Variants in ATP1B4 observed in about 807,000 individuals in gnomAD.
ATP1B4 encodes protein ATP1B4.
Under a neutral mutation model 29.6 loss-of-function variants are expected in ATP1B4, and 32 were observed. That is an observed-to-expected ratio of 1.08 (90% CI 0.82 to 1.45). The LOEUF is 1.45. ATP1B4 is among the 40% of genes most tolerant of loss of function. The probability of loss-of-function intolerance (pLI) is 0.00; values close to 1 mark genes in which losing one functional copy is unlikely to be tolerated. For synonymous variants in ATP1B4, 127 were observed against 102.1 expected (o/e 1.24, Z -1.47); for missense variants, 323 against 276.2 (o/e 1.17, Z -1.20).
At chrX:120,378,117 C>T (rs2058365286) in intron 6 of ATP1B4, among the ~76,000 whole-genome samples, 1 of 111,617 alleles carries the variant, frequency 9.0e-6, no homozygotes, top group African/African-American at 3.3e-5. Flanking sequence ...AGAATATGGT[C>T]AGAGACATGA....
chrX:120,372,059 G>A (rs1033459745), intron 4 of ATP1B4, among the ~76,000 whole-genome samples: 2 of 112,348 alleles, frequency 1.8e-5, no homozygotes, highest in African/African-American at 3.2e-5. Flanking sequence ...AAGTATTTTC[G>A]AGGTGCCTAT....
At position 120,379,755 on chromosome X, in the gene ATP1B4, T is replaced by A; in HGVS notation, c.*121T>A. On this transcript the variant is annotated 3_prime_UTR_variant, in exon 8 of 8. Coordinates refer to ENST00000218008, the MANE Select transcript of ATP1B4 (RefSeq NM_001142447.3). ...CCAGATGGACATCTAAGACAGCCGA[T>A]CATCTTTCCTTGCCTATGACATGTG... 2 of 730,041 alleles carry A rather than the reference T, an allele frequency of 2.7e-6. No homozygotes were observed. Among genetic ancestry groups the A allele is most frequent in the Non-Finnish European group, 3.9e-6 (2 of 517,581 alleles). The allele number at this position is 730,041 out of a possible 1,213,427, so 60.2% of individuals were successfully genotyped here.
intron 4 of ATP1B4, among the ~76,000 whole-genome samples, chrX:120,372,740 T>G (rs955113811): frequency 2.7e-5 from 3 of 112,562 alleles, no homozygotes; most frequent in Non-Finnish European, 5.6e-5. Flanking sequence ...TCTACGCTGC[T>G]GTCACATGAC....
In ATP1B4 at chrX:120,366,562, A is replaced by G. The variant is rs1438778095; in HGVS notation, c.101A>G (p.Asp34Gly). ...GAAGCGAACCAGAACTACTTAGCAGATGAAGAGGAGGAAGCAGAAGAAGAG... is the reference window on the plus strand; with the variant it reads ...GAAGCGAACCAGAACTACTTAGCAGGTGAAGAGGAGGAAGCAGAAGAAGAG... ...PDEANQNYLA[D>G]EEEEAEEEAR... is the part of the protein sequence containing the mutation. The change falls in exon 2 of 8, where the codon GAT (aspartate) becomes GGT (glycine). Residue 34 changes from aspartate to glycine, a missense_variant. Asp to Gly is a moderately conservative substitution (Grantham distance 94). Transcript: ENST00000218008. 2.5e-6 allele frequency: 3 copies of G among 1,206,650 alleles called. No homozygotes were observed. Among genetic ancestry groups the G allele is most frequent in the Non-Finnish European group, 3.4e-6 (3 of 893,101 alleles).
At chrX:120,369,630 G>A (rs972125135) in intron 2 of ATP1B4, among the ~76,000 whole-genome samples, 2 of 111,828 alleles carry the variant, frequency 1.8e-5, no homozygotes, top group Non-Finnish European at 3.8e-5. Context: ...TTTCTCATCA[G>A]CAATCTCATA....
Position 120,375,418 on chromosome X carries a change from G to A in ATP1B4, c.609G>A (p.Pro203=), listed in dbSNP as rs749638694. Reference sequence around the variant, plus strand: ...AGGAAATGAATGTAGATTGTCCCCCGGGGCAGTACTTCATCCAAGATGGCA... The same window carrying A: ...AGGAAATGAATGTAGATTGTCCCCCAGGGCAGTACTTCATCCAAGATGGCA... ...LQEEMNVDCP[P]GQYFIQDGNE... Residue 203 remains proline, a synonymous_variant, in exon 5 of 8, where the codon CCG becomes CCA. Coordinates refer to ENST00000218008, the MANE Select transcript of ATP1B4 (RefSeq NM_001142447.3). The A allele has an allele frequency of 9.1e-6, 11 of 1,208,347 alleles. No homozygotes were observed. Among genetic ancestry groups the A allele is most frequent in the East Asian group, 5.9e-5 (2 of 33,712 alleles).
In ATP1B4 at chrX:120,362,130, A is replaced by G. The variant is rs1278324642; in HGVS notation, c.-39A>G. On this transcript the variant is annotated 5_prime_UTR_variant, in exon 1 of 8. Transcript: ENST00000218008. ...GCAGAAGCTCCAGAACTCTCACCCG[A>G]TTGCCTGCCTCTGCTGCGTCTTTGC... The G allele has an allele frequency of 8.5e-7, 1 of 1,174,444 alleles. No homozygotes were observed. Among genetic ancestry groups the G allele is most frequent in the African/African-American group, 1.8e-5 (1 of 56,928 alleles).
At chrX:120,376,345 T>TA (rs200143417) in intron 5 of ATP1B4, 35 bp from the exon 6 acceptor site, 26,529 of 1,157,282 alleles carry the variant, frequency 0.023, 956 homozygotes, top group African/African-American at 0.2. Context: ...TATGTTTTGT[T>TA]AAAAAAAAAT....
At chrX:120,375,232 TCACAG>T in intron 4 of ATP1B4, 135 bp from the exon 5 acceptor site, 1 of 505,911 alleles carries the variant, frequency 2.0e-6, no homozygotes, top group Non-Finnish European at 3.3e-6. Flanking sequence ...TGATGCCAGG[TCACAG>T]GTAGACTGAG....
In ATP1B4 at chrX:120,375,554, C is replaced by G. The variant is rs758645227; in HGVS notation, c.745C>G (p.Leu249Val). The change falls in exon 5 of 8, where the codon CTA becomes GTA. Residue 249 changes from leucine (L) to valine (V), a missense_variant. Physicochemically the swap from Leu to Val is conservative, Grantham distance 32. Transcript: ENST00000218008. Reference protein sequence around the residue: ...GYSTGQPCILLKMNRIVGFRP... With the variant: ...GYSTGQPCILVKMNRIVGFRP... ...CTCTACTGGACAGCCCTGCATCCTTCTAAAGATGAACCGGGTATATTGGCT... is the reference window on the plus strand; with the variant it reads ...CTCTACTGGACAGCCCTGCATCCTTGTAAAGATGAACCGGGTATATTGGCT... 4.5e-5 allele frequency: 54 copies of G among 1,203,718 alleles called. No homozygotes were observed. In the Admixed American group the frequency reaches 8.5e-4, roughly 19 times the overall value.
intron 4 of ATP1B4, among the ~76,000 whole-genome samples, chrX:120,375,125 A>G (rs2058345532): frequency 9.1e-6 from 1 of 109,631 alleles, no homozygotes; most frequent in African/African-American, 3.3e-5. Flanking sequence ...GTTCCATGGG[A>G]ATGAAAAGCA....
chrX:120,373,789 C>T (rs2058325983), intron 4 of ATP1B4, among the ~76,000 whole-genome samples: 1 of 111,740 alleles, frequency 8.9e-6, no homozygotes, highest in African/African-American at 3.3e-5. Context: ...TCACCATCCC[C>T]GTAGAGACCC....
chrX:120,375,403 T>C lies in ATP1B4; in HGVS notation c.594T>C (p.Asn198=), dbSNP rs1474873112. Residue 198 remains asparagine (N), a synonymous_variant, in exon 5 of 8, where the codon AAT becomes AAC. Coordinates refer to ENST00000218008, the MANE Select transcript of ATP1B4 (RefSeq NM_001142447.3). ...GYNDSLQEEM[N]VDCPPGQYFI... is the part of the protein sequence containing the mutation. ...ATGACAGTCTTCAAGAGGAAATGAA[T>C]GTAGATTGTCCCCCGGGGCAGTACT... 1 of 1,208,162 alleles carries C rather than the reference T, an allele frequency of 8.3e-7. No individual in the cohort carries two copies. Among genetic ancestry groups the C allele is most frequent in the Non-Finnish European group, 1.1e-6 (1 of 894,518 alleles).
rs936950156 is a variant in ATP1B4, at chrX:120,370,824, G to A, written c.438G>A (p.Thr146=). Residue 146 remains threonine, a synonymous_variant, in exon 3 of 8, where the codon ACG becomes ACA. Coordinates refer to ENST00000218008, the MANE Select transcript of ATP1B4 (RefSeq NM_001142447.3). The part of the protein sequence containing the change: ...LTISPYIPTF[T]ERVKPPGVMI... ...TCAGTCCCTATATACCAACCTTCAC[G>A]GAGCGGGTAAAGCCTCCTGGTGAGT... 7.4e-6 allele frequency: 9 copies of A among 1,210,586 alleles called. No homozygotes were observed. The highest frequency in any genetic ancestry group is 1.0e-5 in the Non-Finnish European group (9 of 895,090).
At chrX:120,373,968 C>G (rs2058327115) in intron 4 of ATP1B4, among the ~76,000 whole-genome samples, 1 of 109,272 alleles carries the variant, frequency 9.2e-6, no homozygotes, top group South Asian at 4.1e-4. Context: ...TCTCACAACT[C>G]ATACTTCTCA....
rs1317060532 is a variant in ATP1B4 at position 120,374,791 on chromosome X, T to TAC, written c.563-580_563-579dup. Among the ~76,000 whole-genome samples, 6 of 5,110 alleles carry TAC rather than the reference T, an allele frequency of 1.2e-3. 2 individuals carry two copies. Among genetic ancestry groups the TAC allele is most frequent in the Non-Finnish European group, 2.3e-3 (6 of 2,558 alleles). The allele number at this position is 5,110 out of a possible 115,157, so 4.4% of individuals were successfully genotyped here. A position where few individuals can be genotyped will look rare whatever the true frequency, so the allele number is the denominator to read the frequency against. On this transcript the variant is annotated intron_variant, in intron 4 of 7. Transcript: ENST00000218008. ...ATATATATAATATATATATATTATA[T>TAC]ACCCTTATATATATTATATTATATA...
At position 120,379,912 on chromosome X, in the gene ATP1B4, G is replaced by A; in HGVS notation, c.*278G>A. The stretch of plus-strand genomic sequence containing the variant: ...TCTTGCTGCTGGTAATCTCCCTGTA[G>A]CGTAAACATAGTATCTGATAAAATT... On this transcript the variant is annotated 3_prime_UTR_variant, in exon 8 of 8. Coordinates refer to ENST00000218008, the MANE Select transcript of ATP1B4 (RefSeq NM_001142447.3). 1 of 231,243 alleles carries A rather than the reference G, an allele frequency of 4.3e-6. No homozygotes were observed. The highest frequency in any genetic ancestry group is 7.6e-6 in the Non-Finnish European group (1 of 131,418). The allele number at this position is 231,243 out of a possible 1,213,427, so 19.1% of individuals were successfully genotyped here. A position where few individuals can be genotyped will look rare whatever the true frequency, so the allele number is the denominator to read the frequency against.
rs2058287877 is a variant in ATP1B4, at chrX:120,366,644, AGAG to A, written c.189_191del (p.Glu67del). On this transcript the variant is annotated inframe_deletion, in exon 2 of 8. Transcript: ENST00000218008. ...AGGAGGAAGAAGAGGAGGAGAAAGAAGAGGAGGAAGAGGAGGAAAAGGAGGAGG... is the reference window on the plus strand; with the variant it reads ...AGGAGGAAGAAGAGGAGGAGAAAGAAGAGGAAGAGGAGGAAAAGGAGGAGG... The A allele has an allele frequency of 2.5e-6, 3 of 1,204,832 alleles. No individual in the cohort carries two copies. The highest frequency in any genetic ancestry group is 3.4e-6 in the Non-Finnish European group (3 of 891,282).
intron 2 of ATP1B4, among the ~76,000 whole-genome samples, chrX:120,370,041 G>A (rs766267651): frequency 8.9e-6 from 1 of 111,924 alleles, no homozygotes; most frequent in African/African-American, 3.2e-5. Context: ...AATTGGAGGT[G>A]CAAGGAAGTT....
Sources: allele counts gnomAD v4.1 joint callset (sites outside exome capture counted in the v4.1 genomes callset), GRCh38; gene constraint gnomAD v4.1.1; transcripts MANE v1.5; gene names NCBI Gene and HGNC (gene_info 2026-07-23, HGNC 2026-07-21).